Variants in SZT2 observed in about 807,000 individuals in gnomAD.
SZT2 encodes the protein KICSTOR complex protein SZT2.
A neutral mutation model predicts 404.2 loss-of-function variants in SZT2; 216 were observed. The ratio of observed to expected loss-of-function variants is 0.53; its 90% CI spans 0.48 to 0.60. SZT2 has a LOEUF of 0.60. Among genes scored for constraint, SZT2 ranks in the 20% least tolerant of loss-of-function variants. SZT2 has a pLI of 0.00. For missense variants in SZT2, 3,857 were observed against 4,459.2 expected, an observed-to-expected ratio of 0.86 and a Z score of 3.85; for synonymous variants, 1,693 against 1,749.9, an observed-to-expected ratio of 0.97 and a Z score of 0.81.
Position 43,453,047 on chromosome 1 carries a change from C to T in SZT2, c.*2567C>T, listed in dbSNP as rs761149225. ...CATCACTACCTGTAAGCAGCTTTCT[C>T]TGATCCAGACAGGGTTAGGTGCCTA... On this transcript the variant is annotated 3_prime_UTR_variant, in exon 72 of 72. Transcript: ENST00000634258. 2 of 1,245,370 alleles carry T rather than the reference C, an allele frequency of 1.6e-6. No homozygotes were observed. The highest frequency in any genetic ancestry group is 3.8e-5 in the Admixed American group (2 of 53,124). 77.1% of individuals were successfully genotyped at this position (1,245,370 alleles called of 1,614,324 possible).
Position 43,430,312 on chromosome 1 carries a change from A to G in SZT2, c.4403A>G (p.Asp1468Gly), listed in dbSNP as rs1298553929. The change falls in exon 31 of 72, where the codon GAT becomes GGT. Residue 1468 changes from aspartate to glycine, a missense_variant and splice_region_variant. This residue lies in a region of SZT2 where 1,725 missense variants were observed against 1,881.0 expected (regional missense o/e 0.92). Coordinates refer to ENST00000634258, the MANE Select transcript of SZT2 (RefSeq NM_001365999.1). Reference sequence around the variant, plus strand: ...ATCTTGCTTCATTCTTTTGCCTAGGATGAGGGGCCTCGGGACACAGTAGAC... The same window carrying G: ...ATCTTGCTTCATTCTTTTGCCTAGGGTGAGGGGCCTCGGGACACAGTAGAC... The part of the protein sequence containing the change: ...FYCPPSSRRE[D>G]EGPRDTVDRK... The G allele has an allele frequency of 6.2e-7, 1 of 1,613,784 alleles. No homozygotes were observed. Among genetic ancestry groups the G allele is most frequent in the Non-Finnish European group, 8.5e-7 (1 of 1,179,932 alleles).
Position 43,443,062 on chromosome 1 carries a change from G to C in SZT2, c.8395G>C (p.Glu2799Gln), listed in dbSNP as rs1036529222. ...CACCTACCATGGACAACAGTTCCTA[G>C]AGATCAAGATGGCAGAGCGCAGAGG... ...PVTYHGQQFLEIKMAERRELE... is the reference protein window; with the variant it reads ...PVTYHGQQFLQIKMAERRELE... Residue 2799 changes from glutamate to glutamine, a missense_variant, in exon 59 of 72, where the codon GAG becomes CAG. Transcript: ENST00000634258. 1 of 1,612,856 alleles carries C rather than the reference G, an allele frequency of 6.2e-7. No homozygotes were observed. The highest frequency in any genetic ancestry group is 1.1e-5 in the South Asian group (1 of 90,970).
chr1:43,404,331 G>T, intron 3 of SZT2, 49 bp from the exon 4 acceptor site: 1 of 1,551,738 alleles, frequency 6.4e-7, no homozygotes, highest in South Asian at 1.2e-5. Flanking sequence ...TCTGCCCTCT[G>T]GTTAGGGCTG....
chr1:43,424,717 G>A lies in SZT2; in HGVS notation c.2472-67G>A. The A allele has an allele frequency of 7.2e-7, 1 of 1,384,106 alleles. No individual in the cohort carries two copies. Among genetic ancestry groups the A allele is most frequent in the Non-Finnish European group, 1.0e-6 (1 of 977,278 alleles). 85.7% of individuals were successfully genotyped at this position (1,384,106 alleles called of 1,614,324 possible). On this transcript the variant is annotated intron_variant, in intron 16 of 71. Coordinates refer to ENST00000634258, the MANE Select transcript of SZT2 (RefSeq NM_001365999.1). This position sits in a 1 kb window ranked among gnomAD's most constrained non-coding sequence, Gnocchi z 4.1. ...GCTGGGAGGTGGGTGTATGTGGGGA[G>A]AGCTTGTAGTCTCAGTGTCTCTTCT...
At chr1:43,415,252 G>A in intron 5 of SZT2, 39 bp downstream of exon 5, 1 of 1,594,608 alleles carries the variant, frequency 6.3e-7, no homozygotes, top group Non-Finnish European at 8.5e-7. Context: ...AACTTAGAAA[G>A]AGGAGCAGCT....
chr1:43,395,303 G>T (rs925521692), intron 1 of SZT2, among the ~76,000 whole-genome samples: 1 of 152,100 alleles, frequency 6.6e-6, no homozygotes, highest in Non-Finnish European at 1.5e-5. Flanking sequence ...GGAGGAGGGG[G>T]AGGTCAGGGA....
In SZT2 at chr1:43,428,629, A is replaced by G. The variant is rs1419148182; in HGVS notation, c.4166+143A>G. 14 of 1,164,810 alleles carry G rather than the reference A, an allele frequency of 1.2e-5. No homozygotes were observed. The African/African-American group carries it at 1.4e-4, about 12-fold the overall frequency. The allele number at this position is 1,164,810 out of a possible 1,614,324, so 72.2% of individuals were successfully genotyped here. A position where few individuals can be genotyped will look rare whatever the true frequency, so the allele number is the denominator to read the frequency against. Reference sequence around the variant, plus strand: ...GTAGTGCTTTGTCGCCGGCTCACGGACTCCCATGCAGCCTTCCTCACCAAT... The same window carrying G: ...GTAGTGCTTTGTCGCCGGCTCACGGGCTCCCATGCAGCCTTCCTCACCAAT... On this transcript the variant is annotated intron_variant, in intron 28 of 71. Transcript: ENST00000634258.
Position 43,426,449 on chromosome 1 carries a change from A to C in SZT2, c.3125A>C (p.Gln1042Pro). 6.3e-7 allele frequency: 1 copy of C among 1,597,012 alleles called. No homozygotes were observed. Among genetic ancestry groups the C allele is most frequent in the Non-Finnish European group, 8.5e-7 (1 of 1,179,304 alleles). Reference sequence around the variant, plus strand: ...TGCCTGCTGCACAGCTGCCTGGGGCAGGAGCTGAGTGACCGGGAGATCCCA... The same window carrying C: ...TGCCTGCTGCACAGCTGCCTGGGGCCGGAGCTGAGTGACCGGGAGATCCCA... The part of the protein sequence containing the change: ...VLCLLHSCLG[Q>P]ELSDREIPLT... Residue 1042 changes from glutamine (Q) to proline (P), a missense_variant, in exon 22 of 72, where the codon CAG becomes CCG. This residue lies in a region of SZT2 where 1,725 missense variants were observed against 1,881.0 expected (regional missense o/e 0.92). Transcript: ENST00000634258. This position sits in a 1 kb window ranked among gnomAD's most constrained non-coding sequence, Gnocchi z 4.9.
chr1:43,426,029 C>A lies in SZT2; in HGVS notation c.2930-9C>A, dbSNP rs1205236170. The A allele has an allele frequency of 1.9e-6, 3 of 1,613,906 alleles. No individual in the cohort carries two copies. The highest frequency in any genetic ancestry group is 2.5e-6 in the Non-Finnish European group (3 of 1,179,864). On this transcript the variant is annotated splice_polypyrimidine_tract_variant and intron_variant, in intron 20 of 71. Transcript: ENST00000634258. This position sits in a 1 kb window ranked among gnomAD's most constrained non-coding sequence, Gnocchi z 4.9. ...CGTCTCACTGTGTCCTGTCCTTCCT[C>A]CCTCGTAGGATTGGATCAGGGAGGA...
rs771138265 is a variant in SZT2, at chr1:43,442,301, G to A, written c.7907G>A (p.Gly2636Asp). The change falls in exon 57 of 72, where the codon GGT becomes GAT. Residue 2636 changes from glycine to aspartate, a missense_variant. By Grantham distance (94) the Gly-to-Asp change is moderately conservative. This residue lies in a region of SZT2 where 573 missense variants were observed against 592.4 expected (regional missense o/e 0.97). Transcript: ENST00000634258. This position sits in a 1 kb window ranked among gnomAD's most constrained non-coding sequence, Gnocchi z 4.5. Reference sequence around the variant, plus strand: ...GCCATGCAGCGCTTCGAGCCAGGAGGTGATGGGAGCTCAGGGCGAAATGCT... The same window carrying A: ...GCCATGCAGCGCTTCGAGCCAGGAGATGATGGGAGCTCAGGGCGAAATGCT... ...AKAMQRFEPG[G>D]DGSSGRNAPR... is the part of the protein sequence containing the mutation. 1 of 1,614,128 alleles carries A rather than the reference G, an allele frequency of 6.2e-7. No homozygotes were observed. Among genetic ancestry groups the A allele is most frequent in the South Asian group, 1.1e-5 (1 of 91,068 alleles).
At position 43,452,563 on chromosome 1, in the gene SZT2, TC is replaced by T; in HGVS notation, c.*2085del. Reference sequence around the variant, plus strand: ...TGCCTCCAGTACTTTCCAAAACCTTTCCTTCCCTCGGTCCTTCTCCGCAACC... The same window carrying T: ...TGCCTCCAGTACTTTCCAAAACCTTTCTTCCCTCGGTCCTTCTCCGCAACC... On this transcript the variant is annotated 3_prime_UTR_variant, in exon 72 of 72. Transcript: ENST00000634258. The T allele has an allele frequency of 1.6e-6, 1 of 619,788 alleles. No individual in the cohort carries two copies. Among genetic ancestry groups the T allele is most frequent in the Non-Finnish European group, 2.9e-6 (1 of 343,258 alleles). 38.4% of individuals were successfully genotyped at this position (619,788 alleles called of 1,614,324 possible). A position where few individuals can be genotyped will look rare whatever the true frequency, so the allele number is the denominator to read the frequency against.
rs776178283 is a variant in SZT2, at chr1:43,443,227, C to T, written c.8459C>T (p.Thr2820Ile). 53 of 1,614,032 alleles carry T rather than the reference C, an allele frequency of 3.3e-5. No homozygotes were observed. The Admixed American group carries it at 7.0e-4, about 21-fold the overall frequency. ...ATGAAGATGGAAAACCTGTTTGTAA[C>T]CTGGCAGCAGCGTTCTACCCCAGCC... ...RQMKMENLFV[T>I]WQQRSTPATM... The change falls in exon 60 of 72, where the codon ACC becomes ATC. Residue 2820 changes from threonine (T) to isoleucine (I), a missense_variant. Thr to Ile is a moderately conservative substitution (Grantham distance 89). This residue lies in a region of SZT2 where 717 missense variants were observed against 868.2 expected (regional missense o/e 0.83). Transcript: ENST00000634258.
Position 43,452,188 on chromosome 1 carries a change from G to A in SZT2, c.*1708G>A. 1 of 1,597,274 alleles carries A rather than the reference G, an allele frequency of 6.3e-7. No individual in the cohort carries two copies. The highest frequency in any genetic ancestry group is 8.6e-7 in the Non-Finnish European group (1 of 1,167,372). On this transcript the variant is annotated 3_prime_UTR_variant, in exon 72 of 72. Transcript: ENST00000634258. Reference sequence around the variant, plus strand: ...CACAGAGACATGTAAGTACGTGTGTGTTTCCACCTTTCTCACCTGAGCCAA... The same window carrying A: ...CACAGAGACATGTAAGTACGTGTGTATTTCCACCTTTCTCACCTGAGCCAA...
At chr1:43,411,329 G>A (rs566901730) in intron 4 of SZT2, among the ~76,000 whole-genome samples, 59 of 152,254 alleles carry the variant, frequency 3.9e-4, no homozygotes, top group Non-Finnish European at 7.5e-4. Flanking sequence ...AGAGGGGGCA[G>A]CTGGCAGTGT....
Position 43,428,012 on chromosome 1 carries a change from C to G in SZT2, c.3813C>G (p.Phe1271Leu), listed in dbSNP as rs775289045. 3.1e-6 allele frequency: 5 copies of G among 1,613,770 alleles called. No homozygotes were observed. In the East Asian group the frequency reaches 1.1e-4, roughly 36 times the overall value. ...TCCCTTCGTTTCCTAGGACTCAGTT[C>G]CTCGACCACCCCTCCCCATCCTCAG... The part of the protein sequence containing the change: ...APRDLIFRTQ[F>L]LDHPSPSSAW... Residue 1271 changes from phenylalanine to leucine, a missense_variant, in exon 27 of 72, where the codon TTC becomes TTG. Phe to Leu is a conservative substitution (Grantham distance 22). This residue lies in a region of SZT2 where 1,725 missense variants were observed against 1,881.0 expected (regional missense o/e 0.92). Transcript: ENST00000634258.
rs1339513001 is a variant in SZT2, at chr1:43,451,790, C to A, written c.*1310C>A. ...CTTCCGATCTGCGAAGTACCCCCTT[C>A]CACTTACCATTTGTAATTGGAGGTT... On this transcript the variant is annotated 3_prime_UTR_variant, in exon 72 of 72. Coordinates refer to ENST00000634258, the MANE Select transcript of SZT2 (RefSeq NM_001365999.1). 2.5e-6 allele frequency: 4 copies of A among 1,614,148 alleles called. No individual in the cohort carries two copies. The highest frequency in any genetic ancestry group is 2.5e-6 in the Non-Finnish European group (3 of 1,179,990).
chr1:43,404,305 A>G (rs577790382), intron 3 of SZT2, 75 bp from the exon 4 acceptor site: 3 of 1,313,804 alleles, frequency 2.3e-6, no homozygotes, highest in Admixed American at 2.0e-5. Context: ...CTACTGACCC[A>G]TGGAAGCTGC....
At chr1:43,446,743 C>T (rs1055740090) in intron 65 of SZT2, 4 of 631,036 alleles carry the variant, frequency 6.3e-6, no homozygotes, top group African/African-American at 5.5e-5. Flanking sequence ...CTGAAAATGG[C>T]CCTAGTTTCA....
chr1:43,439,405 G>T lies in SZT2; in HGVS notation c.6840G>T (p.Leu2280Phe). Residue 2280 changes from leucine to phenylalanine, a missense_variant, in exon 49 of 72, where the codon TTG (leucine) becomes TTT (phenylalanine). Leu to Phe is a conservative substitution (Grantham distance 22). Around this residue, in one of 7 missense-constraint regions of SZT2, gnomAD observed 261 missense variants for 372.9 expected, o/e 0.70. Coordinates refer to ENST00000634258, the MANE Select transcript of SZT2 (RefSeq NM_001365999.1). The surrounding 1 kb of genome is among the most constrained non-coding windows in gnomAD (Gnocchi z 4.2). Reference sequence around the variant, plus strand: ...GCCTCCCTGACTTGGACATCTACTTGTATAACAAGCCTGGTGGACAGGGCA... The same window carrying T: ...GCCTCCCTGACTTGGACATCTACTTTTATAACAAGCCTGGTGGACAGGGCA... ...QGGLPDLDIY[L>F]YNKPGGQGTG... The T allele has an allele frequency of 6.2e-7, 1 of 1,613,320 alleles. No homozygotes were observed. The highest frequency in any genetic ancestry group is 8.5e-7 in the Non-Finnish European group (1 of 1,179,644).
Sources: gnomAD v4.1 joint callset for allele counts (sites outside exome capture counted in the v4.1 genomes callset) on GRCh38, gnomAD v4.1.1 for gene constraint, gnomAD v4.1.1 regional missense constraint, Gnocchi (gnomAD v3.1) non-coding constraint, MANE v1.5 for transcripts, NCBI Gene and HGNC (gene_info 2026-07-23, HGNC 2026-07-21) for gene names.